The following NARF variants were observed in gnomAD, a reference collection of about 807,000 sequenced individuals.
NARF encodes the protein iron-only hydrogenase-like protein 2.
Under a neutral mutation model 48.0 loss-of-function variants are expected in NARF, and 41 were observed. The observed-to-expected ratio is 0.85, with a 90% CI of 0.66 to 1.11. The LOEUF (loss-of-function observed/expected upper bound fraction) is 1.11. Among genes scored for constraint, NARF ranks in the 50% least tolerant of loss-of-function variants. The pLI, the probability that NARF is intolerant of heterozygous loss-of-function variation, is 0.00. For synonymous variants in NARF, 215 were observed against 225.5 expected (o/e 0.95, Z 0.42); for missense variants, 613 against 590.2 (o/e 1.04, Z -0.40).
At chr17:82,483,568 T>G in intron 7 of NARF, 148 bp from the exon 8 acceptor site, 1 of 660,806 alleles carries the variant, frequency 1.5e-6, no homozygotes, top group Non-Finnish European at 2.7e-6. Context: ...GGCCTCACTT[T>G]GCCCTTTAGA....
chr17:82,468,503 T>A, intron 3 of NARF: 1 of 419,386 alleles, frequency 2.4e-6, no homozygotes, highest in Non-Finnish European at 4.3e-6. Context: ...GCTGGAACTG[T>A]AGGCATGCAC....
chr17:82,468,571 C>T, intron 3 of NARF, 193 bp from the exon 4 acceptor site: 2 of 551,844 alleles, frequency 3.6e-6, no homozygotes, highest in Non-Finnish European at 6.1e-6. Context: ...AAATATTTAC[C>T]AGAAGCCCAA....
rs1196906434 is a variant in NARF at position 82,464,320 on chromosome 17, A to G, written c.142A>G (p.Ile48Val). The G allele has an allele frequency of 6.2e-7, 1 of 1,613,772 alleles. No individual in the cohort carries two copies. The highest frequency in any genetic ancestry group is 1.7e-5 in the Admixed American group (1 of 59,886). Residue 48 changes from isoleucine to valine, a missense_variant, in exon 3 of 11, where the codon ATA becomes GTA. Coordinates refer to ENST00000309794, the MANE Select transcript of NARF (RefSeq NM_012336.4). Reference protein sequence around the residue: ...GEFHKLADAKIFLSDCLACDS... With the variant: ...GEFHKLADAKVFLSDCLACDS... ...ATTCCACAAGTTGGCTGATGCCAAG[A>G]TATTTTTGAGCGACTGCCTGGCATG... is the stretch of plus-strand genomic sequence containing the variant.
At position 82,468,857 on chromosome 17, in the gene NARF, G is replaced by A; in HGVS notation, c.346G>A (p.Asp116Asn). ...FAAKFNLSVT[D>N]ASRRLCGFLK... ...TGCTAAATTCAACCTCAGTGTAACTGATGCATCCAGAAGACTCTGTGGTTT... is the reference window on the plus strand; with the variant it reads ...TGCTAAATTCAACCTCAGTGTAACTAATGCATCCAGAAGACTCTGTGGTTT... Residue 116 changes from aspartate to asparagine, a missense_variant, in exon 4 of 11, where the codon GAT becomes AAT. Coordinates refer to ENST00000309794, the MANE Select transcript of NARF (RefSeq NM_012336.4). The A allele has an allele frequency of 6.2e-7, 1 of 1,614,164 alleles. No homozygotes were observed. Among genetic ancestry groups the A allele is most frequent in the Non-Finnish European group, 8.5e-7 (1 of 1,180,016 alleles).
intron 1 of NARF, chr17:82,459,290 G>C: frequency 1.7e-6 from 1 of 601,928 alleles, no homozygotes; most frequent in Non-Finnish European, 2.1e-6. Flanking sequence ...GGCAACAACC[G>C]CGCAGCGCAC....
At chr17:82,485,421 A>AC (rs2044075110) in intron 9 of NARF, 76 bp from the exon 10 acceptor site, 1 of 851,032 alleles carries the variant, frequency 1.2e-6, no homozygotes, top group Admixed American at 3.5e-5. Context: ...ACTCCGTCTC[A>AC]AAAAAAAAAA....
intron 6 of NARF, 116 bp from the exon 7 acceptor site, chr17:82,480,966 G>A (rs1345477767): frequency 3.3e-5 from 39 of 1,186,606 alleles, no homozygotes; most frequent in Admixed American, 1.1e-4. Flanking sequence ...AGCATGCAGT[G>A]TCTGGAGGGC....
intron 2 of NARF, 77 bp downstream of exon 2, chr17:82,460,149 C>A: frequency 1.6e-6 from 2 of 1,223,854 alleles, no homozygotes; most frequent in Non-Finnish European, 2.4e-6. Flanking sequence ...GCTCACAGCA[C>A]CGTGCACATC....
intron 4 of NARF, among the ~76,000 whole-genome samples, chr17:82,470,129 A>G (rs1337558747): frequency 2.0e-5 from 3 of 152,176 alleles, no homozygotes; most frequent in Non-Finnish European, 4.4e-5. Flanking sequence ...TGATATTTGG[A>G]ATAAGGATCA....
intron 10 of NARF, 103 bp from the exon 11 acceptor site, chr17:82,487,813 C>T: frequency 6.7e-6 from 4 of 598,142 alleles, no homozygotes; most frequent in Non-Finnish European, 1.1e-5. Context: ...ATTTAAAAAT[C>T]AGCCGGGCAA....
chr17:82,471,520 C>T (rs952587476), intron 4 of NARF, among the ~76,000 whole-genome samples: 8 of 140,532 alleles, frequency 5.7e-5, no homozygotes, highest in Middle Eastern at 4.3e-3. Flanking sequence ...TTGCCGGGCG[C>T]GGTGGCTCAC....
At chr17:82,481,602 T>C (rs2043966258) in intron 7 of NARF, among the ~76,000 whole-genome samples, 1 of 151,778 alleles carries the variant, frequency 6.6e-6, no homozygotes, top group African/African-American at 2.4e-5. Flanking sequence ...TGGTGGCACA[T>C]GCCTGTAATC....
In NARF at chr17:82,488,294, C is replaced by T; in HGVS notation, c.*137C>T. 1 of 1,349,608 alleles carries T rather than the reference C, an allele frequency of 7.4e-7. No homozygotes were observed. The highest frequency in any genetic ancestry group is 9.8e-7 in the Non-Finnish European group (1 of 1,018,134). The allele number at this position is 1,349,608 out of a possible 1,614,324, so 83.6% of individuals were successfully genotyped here. Reference sequence around the variant, plus strand: ...GGATTACTTTGGTTTCTCCGAGTTCCCTGCTACCCCGTTTATTGGAGGCCC... The same window carrying T: ...GGATTACTTTGGTTTCTCCGAGTTCTCTGCTACCCCGTTTATTGGAGGCCC... On this transcript the variant is annotated 3_prime_UTR_variant, in exon 11 of 11. Transcript: ENST00000309794.
At chr17:82,479,206 G>A (rs977143149) in intron 6 of NARF, 1 of 262,390 alleles carries the variant, frequency 3.8e-6, no homozygotes, top group Admixed American at 5.3e-5. Context: ...CCACCCTGCT[G>A]AGAATGAGGC....
chr17:82,480,459 G>C (rs2043937062), intron 6 of NARF: 1 of 401,972 alleles, frequency 2.5e-6, no homozygotes, highest in African/African-American at 2.0e-5. Context: ...GGCTCCACTG[G>C]CTGGGGGGCT....
intron 4 of NARF, among the ~76,000 whole-genome samples, chr17:82,469,465 G>A (rs2043647397): frequency 6.6e-6 from 1 of 152,160 alleles, no homozygotes; most frequent in Non-Finnish European, 1.5e-5. Context: ...TTGGTCAAAG[G>A]GGAACTGCCT....
chr17:82,486,471 C>A (rs888414433), intron 10 of NARF, among the ~76,000 whole-genome samples: 1 of 152,046 alleles, frequency 6.6e-6, no homozygotes, highest in Non-Finnish European at 1.5e-5. Flanking sequence ...GGGCAGGGCA[C>A]AGACAAGGGT....
In NARF at chr17:82,485,482, G is replaced by C; in HGVS notation, c.972-15G>C. ...AGGACTTGATGGATCAAAATTCTCT[G>C]TGTTCATTTTGTAGAAACAAAGACT... On this transcript the variant is annotated splice_polypyrimidine_tract_variant and intron_variant, in intron 9 of 10. Transcript: ENST00000309794. 1.2e-6 allele frequency: 2 copies of C among 1,612,940 alleles called. No individual in the cohort carries two copies. Among genetic ancestry groups the C allele is most frequent in the South Asian group, 2.2e-5 (2 of 91,012 alleles).
At chr17:82,477,962 C>A (rs1033124532) in intron 5 of NARF, 1 of 152,322 alleles carries the variant, frequency 6.6e-6, no homozygotes, top group African/African-American at 2.4e-5. Flanking sequence ...CTCTGGGCGA[C>A]CTTCCCCGCC....
Sources: gnomAD v4.1 joint callset for allele counts (sites outside exome capture counted in the v4.1 genomes callset) on GRCh38, gnomAD v4.1.1 for gene constraint, MANE v1.5 for transcripts, NCBI Gene and HGNC (gene_info 2026-07-23, HGNC 2026-07-21) for gene names.